Variants in C17orf50 observed in about 807,000 individuals in gnomAD.
C17orf50 encodes the protein plakoglobin binding and degradation factor, also known as uncharacterized protein C17orf50.
C17orf50 carries 16 observed loss-of-function variants against 17.7 expected under a neutral mutation model. The observed-to-expected ratio is 0.90, with a 90% CI of 0.61 to 1.37. The LOEUF is 1.37. Among genes scored for constraint, C17orf50 ranks in the 40% most tolerant of loss-of-function variants. C17orf50 has a pLI of 0.00. For synonymous variants in C17orf50, 125 were observed against 111.0 expected (o/e 1.13, Z -0.80); for missense variants, 271 against 240.7 (o/e 1.13, Z -0.83).
rs782017049 is a variant in C17orf50, at chr17:35,764,597, G to C, written c.504G>C (p.Ala168=). The C allele has an allele frequency of 6.3e-7, 1 of 1,586,358 alleles. No individual in the cohort carries two copies. The highest frequency in any genetic ancestry group is 1.4e-5 in the African/African-American group (1 of 71,896). The change falls in exon 3 of 3, where the codon GCG becomes GCC. Residue 168 remains alanine (A), a synonymous_variant. Coordinates refer to ENST00000605587, the MANE Select transcript of C17orf50 (RefSeq NM_145272.4). The part of the protein sequence containing the change: ...CVLDHPDLGK[A]GAAGNS ...TGGATCACCCGGATCTGGGTAAGGC[G>C]GGGGCCGCTGGGAACTCCTGAGCGC...
At position 35,764,251 on chromosome 17, in the gene C17orf50, G is replaced by A. The variant is rs1555602197; in HGVS notation, c.258G>A (p.Arg86=). 8.4e-6 allele frequency: 13 copies of A among 1,540,458 alleles called. No homozygotes were observed. ...GCACCCAGCAGGTGGCGCTGCTGCG[G>A]CGCGCGGACAGCGGCTTCTGGGGCT... ...ESSTQQVALL[R]RADSGFWGWL... The change falls in exon 2 of 3, where the codon CGG becomes CGA. Residue 86 remains arginine, a synonymous_variant. Transcript: ENST00000605587.
intron 1 of C17orf50, 64 bp downstream of exon 1, chr17:35,761,018 T>C: frequency 2.0e-6 from 3 of 1,533,872 alleles, no homozygotes; most frequent in Non-Finnish European, 1.8e-6. Context: ...GCTTGGACAA[T>C]CCAGCCCATC....
chr17:35,763,941 T>C (rs587620515), intron 1 of C17orf50, 66 bp from the exon 2 acceptor site: 1 of 1,158,184 alleles, frequency 8.6e-7, no homozygotes, highest in African/African-American at 1.6e-5. Context: ...AATAAATACA[T>C]GAAAAATTAT....
In C17orf50 at chr17:35,764,818, T is replaced by G. The variant is rs1365770702; in HGVS notation, c.*200T>G. The G allele has an allele frequency of 2.9e-5, 16 of 558,862 alleles. No homozygotes were observed. The Admixed American group carries it at 6.0e-4, about 21-fold the overall frequency. The allele number at this position is 558,862 out of a possible 1,614,324, so 34.6% of individuals were successfully genotyped here. A position where few individuals can be genotyped will look rare whatever the true frequency, so the allele number is the denominator to read the frequency against. On this transcript the variant is annotated 3_prime_UTR_variant, in exon 3 of 3. Coordinates refer to ENST00000605587, the MANE Select transcript of C17orf50 (RefSeq NM_145272.4). ...CCCATCTGTCACCTAGCGCCCCCAG[T>G]GCAGAGCCCAGCATAACCTAGAGCC...
chr17:35,761,394 A>G (rs1555601481), intron 1 of C17orf50, among the ~76,000 whole-genome samples: 2 of 149,238 alleles, frequency 1.3e-5, no homozygotes, highest in South Asian at 2.1e-4. Context: ...TACAGGCATG[A>G]GCCACTGTGC....
At chr17:35,763,983 C>A (rs1555602047) in intron 1 of C17orf50, 24 bp from the exon 2 acceptor site, 1 of 1,523,320 alleles carries the variant, frequency 6.6e-7, no homozygotes, top group South Asian at 1.2e-5. Context: ...AGCAGGACTG[C>A]CCTGACCTCC....
chr17:35,764,205 G>A lies in C17orf50; in HGVS notation c.212G>A (p.Cys71Tyr). Reference sequence around the variant, plus strand: ...CGCGAGCGGCGCTCAGTGTCCTACTGCCCGCTGCGCCAGGAGTCCAGCACC... The same window carrying A: ...CGCGAGCGGCGCTCAGTGTCCTACTACCCGCTGCGCCAGGAGTCCAGCACC... Reference protein sequence around the residue: ...EGRERRSVSYCPLRQESSTQQ... With the variant: ...EGRERRSVSYYPLRQESSTQQ... Residue 71 changes from cysteine to tyrosine, a missense_variant, in exon 2 of 3, where the codon TGC (cysteine) becomes TAC (tyrosine). Physicochemically the swap from Cys to Tyr is radical, Grantham distance 194. Coordinates refer to ENST00000605587, the MANE Select transcript of C17orf50 (RefSeq NM_145272.4). The A allele has an allele frequency of 6.5e-7, 1 of 1,547,514 alleles. No homozygotes were observed. The highest frequency in any genetic ancestry group is 8.7e-7 in the Non-Finnish European group (1 of 1,146,452).
Position 35,764,488 on chromosome 17 carries a change from G to T in C17orf50, c.395G>T (p.Gly132Val). 6.3e-7 allele frequency: 1 copy of T among 1,577,216 alleles called. No homozygotes were observed. Among genetic ancestry groups the T allele is most frequent in the Admixed American group, 1.8e-5 (1 of 55,924 alleles). Residue 132 changes from glycine to valine, a missense_variant, in exon 3 of 3, where the codon GGG becomes GTG. By Grantham distance (109) the Gly-to-Val change is moderately radical (BLOSUM62 -3). Transcript: ENST00000605587. ...LEIRRRPPRR[G>V]GCACCELLFC... ...ATCCGGCGACGACCGCCGCGCCGCGGGGGCTGTGCTTGCTGCGAGCTCCTC... is the reference window on the plus strand; with the variant it reads ...ATCCGGCGACGACCGCCGCGCCGCGTGGGCTGTGCTTGCTGCGAGCTCCTC...
At chr17:35,762,356 C>A (rs587750317) in intron 1 of C17orf50, among the ~76,000 whole-genome samples, 2 of 152,330 alleles carry the variant, frequency 1.3e-5, no homozygotes, top group African/African-American at 4.8e-5. Context: ...TTCCTCCCCT[C>A]TTTCCTTTAC....
Position 35,763,993 on chromosome 17 carries a change from C to T in C17orf50, c.14-14C>T. The T allele has an allele frequency of 2.0e-6, 3 of 1,529,084 alleles. No individual in the cohort carries two copies. The highest frequency in any genetic ancestry group is 2.6e-6 in the Non-Finnish European group (3 of 1,133,414). 94.7% of individuals were successfully genotyped at this position (1,529,084 alleles called of 1,614,324 possible). ...GGGACAGCAGGACTGCCCTGACCTC[C>T]TCCCGGCCCGCAGGTGTGAAGACCC... On this transcript the variant is annotated splice_polypyrimidine_tract_variant and intron_variant, in intron 1 of 2. Coordinates refer to ENST00000605587, the MANE Select transcript of C17orf50 (RefSeq NM_145272.4).
In C17orf50 at chr17:35,764,161, A is replaced by G. The variant is rs2143111870; in HGVS notation, c.168A>G (p.Val56=). The part of the protein sequence containing the change: ...SATEGEEPPR[V]AEEGEGRERR... The stretch of plus-strand genomic sequence containing the variant: ...CGGAGGGCGAGGAGCCGCCGCGGGT[A>G]GCGGAGGAGGGCGAAGGCCGCGAGC... The change falls in exon 2 of 3, where the codon GTA becomes GTG. Residue 56 remains valine, a synonymous_variant. Coordinates refer to ENST00000605587, the MANE Select transcript of C17orf50 (RefSeq NM_145272.4). The G allele has an allele frequency of 6.5e-7, 1 of 1,548,820 alleles. No individual in the cohort carries two copies. The highest frequency in any genetic ancestry group is 1.4e-5 in the African/African-American group (1 of 73,074).
chr17:35,763,027 C>T (rs1343648162), intron 1 of C17orf50, among the ~76,000 whole-genome samples: 1 of 150,910 alleles, frequency 6.6e-6, no homozygotes, highest in African/African-American at 2.4e-5. Flanking sequence ...GAGGCTGAGG[C>T]AGGAGAATGG....
In C17orf50 at chr17:35,764,467, G is replaced by A. The variant is rs782754584; in HGVS notation, c.374G>A (p.Arg125Gln). ...LPEEPCVLEI[R>Q]RRPPRRGGCA... ...GAGGAGCCGTGCGTGCTGGAGATCC[G>A]GCGACGACCGCCGCGCCGCGGGGGC... Residue 125 changes from arginine to glutamine, a missense_variant, in exon 3 of 3, where the codon CGG (arginine) becomes CAG (glutamine). Coordinates refer to ENST00000605587, the MANE Select transcript of C17orf50 (RefSeq NM_145272.4). 25 of 1,561,402 alleles carry A rather than the reference G, an allele frequency of 1.6e-5. No homozygotes were observed. The South Asian group carries it at 2.1e-4, about 13-fold the overall frequency.
In C17orf50 at chr17:35,764,667, A is replaced by T. The variant is rs782814505; in HGVS notation, c.*49A>T. The stretch of plus-strand genomic sequence containing the variant: ...GCCCTCCATCATTTCCTGGCCCCAG[A>T]CCCCCTACCGACCTTCTCTCTTGGA... On this transcript the variant is annotated 3_prime_UTR_variant, in exon 3 of 3. Coordinates refer to ENST00000605587, the MANE Select transcript of C17orf50 (RefSeq NM_145272.4). 3 of 1,511,140 alleles carry T rather than the reference A, an allele frequency of 2.0e-6. No individual in the cohort carries two copies. The highest frequency in any genetic ancestry group is 1.3e-5 in the South Asian group (1 of 78,166). 93.6% of individuals were successfully genotyped at this position (1,511,140 alleles called of 1,614,324 possible).
At chr17:35,762,696 C>G (rs2085844200) in intron 1 of C17orf50, among the ~76,000 whole-genome samples, 1 of 152,144 alleles carries the variant, frequency 6.6e-6, no homozygotes, top group Non-Finnish European at 1.5e-5. Flanking sequence ...CTTTTCTAAT[C>G]ATACAGAGGT....
rs1011228620 is a variant in C17orf50, at chr17:35,764,017, C to T, written c.24C>T (p.Thr8=). The stretch of plus-strand genomic sequence containing the variant: ...CCTCCCGGCCCGCAGGTGTGAAGAC[C>T]CCCTTGTGGAAGAAGGAAACGGAAG... MDKHGVK[T]PLWKKETEEL... is the part of the protein sequence containing the mutation. The change falls in exon 2 of 3, where the codon ACC becomes ACT. Residue 8 remains threonine, a synonymous_variant. Coordinates refer to ENST00000605587, the MANE Select transcript of C17orf50 (RefSeq NM_145272.4). The T allele has an allele frequency of 1.1e-5, 17 of 1,543,764 alleles. No homozygotes were observed. The African/African-American group carries it at 2.2e-4, about 20-fold the overall frequency.
At position 35,764,853 on chromosome 17, in the gene C17orf50, C is replaced by G. The variant is rs113569545; in HGVS notation, c.*235C>G. On this transcript the variant is annotated 3_prime_UTR_variant, in exon 3 of 3. Transcript: ENST00000605587. ...AGCATAACCTAGAGCCCGCTGTCAACAGCGCCCACCGAGGGCTCCCCGCCC... is the reference window on the plus strand; with the variant it reads ...AGCATAACCTAGAGCCCGCTGTCAAGAGCGCCCACCGAGGGCTCCCCGCCC... 3.5e-5 allele frequency: 14 copies of G among 395,238 alleles called. No individual in the cohort carries two copies. The highest frequency in any genetic ancestry group is 8.4e-5 in the African/African-American group (4 of 47,372). The allele number at this position is 395,238 out of a possible 1,614,324, so 24.5% of individuals were successfully genotyped here. A position where few individuals can be genotyped will look rare whatever the true frequency, so the allele number is the denominator to read the frequency against.
chr17:35,762,824 C>A (rs1211264298), intron 1 of C17orf50, among the ~76,000 whole-genome samples: 1 of 152,036 alleles, frequency 6.6e-6, no homozygotes, highest in African/African-American at 2.4e-5. Context: ...TAAATAACCA[C>A]CTATTAAAAT....
rs782223488 is a variant in C17orf50 at position 35,764,006 on chromosome 17, G to A, written c.14-1G>A. ...TGCCCTGACCTCCTCCCGGCCCGCA[G>A]GTGTGAAGACCCCCTTGTGGAAGAA... On this transcript the variant is annotated splice_acceptor_variant, in intron 1 of 2. Coordinates refer to ENST00000605587, the MANE Select transcript of C17orf50 (RefSeq NM_145272.4). LOFTEE classifies it high-confidence loss of function. The A allele has an allele frequency of 6.0e-5, 93 of 1,537,740 alleles. No individual in the cohort carries two copies. The highest frequency in any genetic ancestry group is 1.2e-4 in the East Asian group (5 of 40,408).
Sources: allele counts gnomAD v4.1 joint callset (sites outside exome capture counted in the v4.1 genomes callset), GRCh38; gene constraint gnomAD v4.1.1; transcripts MANE v1.5; gene names NCBI Gene and HGNC (gene_info 2026-07-23, HGNC 2026-07-21).